The following MYO5A variants were observed in gnomAD, a reference collection of about 807,000 sequenced individuals.
The protein encoded by MYO5A is unconventional myosin-Va.
Under a neutral mutation model 249.7 loss-of-function variants are expected in MYO5A, and 98 were observed. That is an observed-to-expected ratio of 0.39 (90% CI 0.33 to 0.46). The LOEUF (loss-of-function observed/expected upper bound fraction) is 0.46, where lower values mean the gene tolerates loss of function less well. Ranked by LOEUF, MYO5A falls within the 20% of genes least tolerant of loss-of-function variation. MYO5A has a pLI of 0.98. For missense variants in MYO5A, 1,696 were observed against 2,308.8 expected, an observed-to-expected ratio of 0.73 and a Z score of 5.44; for synonymous variants, 778 against 810.6, an observed-to-expected ratio of 0.96 and a Z score of 0.68.
At chr15:52,520,660 T>C (rs2077598638) in intron 1 of MYO5A, among the ~76,000 whole-genome samples, 1 of 152,208 alleles carries the variant, frequency 6.6e-6, no homozygotes, top group African/African-American at 2.4e-5. Flanking sequence ...CTAAAACAGC[T>C]GTGGCTGGTA....
rs566809586 is a variant in MYO5A at position 52,490,887 on chromosome 15, A to AT, written c.27+37892dup. On this transcript the variant is annotated intron_variant, in intron 1 of 41. Transcript: ENST00000399233. ...GAGGTGCAGCCACCACATCCAGCTA[A>AT]TTTTTTTATTTTTTGTATAGACGGG... Among the ~76,000 whole-genome samples the AT allele has an allele frequency of 2.6e-5, 4 of 151,956 alleles. No homozygotes were observed. The South Asian group carries it at 8.3e-4, about 32-fold the overall frequency.
chr15:52,355,501 C>G (rs1394380553), intron 25 of MYO5A, among the ~76,000 whole-genome samples: 3 of 152,198 alleles, frequency 2.0e-5, no homozygotes, highest in Non-Finnish European at 4.4e-5. Context: ...ACATAAAGCC[C>G]AGCCTTGGCT....
intron 3 of MYO5A, 24 bp downstream of exon 3, chr15:52,428,374 A>G: frequency 6.2e-7 from 1 of 1,603,958 alleles, no homozygotes. Flanking sequence ...TCCACAGTCT[A>G]TTCGGAAAGC....
chr15:52,473,123 T>C (rs2076512704), intron 1 of MYO5A, among the ~76,000 whole-genome samples: 1 of 152,254 alleles, frequency 6.6e-6, no homozygotes, highest in Admixed American at 6.5e-5. Flanking sequence ...TGGTTTTGAT[T>C]TGCATTTCTC....
intron 4 of MYO5A, among the ~76,000 whole-genome samples, chr15:52,423,150 T>C (rs1204250955): frequency 6.6e-6 from 1 of 152,130 alleles, no homozygotes; most frequent in Non-Finnish European, 1.5e-5. Flanking sequence ...ATTACATGAA[T>C]GATGAATTGT....
chr15:52,473,663 A>G (rs2076527647), intron 1 of MYO5A, among the ~76,000 whole-genome samples: 2 of 152,146 alleles, frequency 1.3e-5, no homozygotes, highest in African/African-American at 4.8e-5. Flanking sequence ...TCCTTTCCCC[A>G]TTTCTTGTTT....
intron 1 of MYO5A, among the ~76,000 whole-genome samples, chr15:52,469,098 G>A (rs1029673145): frequency 6.6e-6 from 1 of 152,032 alleles, no homozygotes; most frequent in Admixed American, 6.6e-5. Context: ...GTGAAAAATT[G>A]GAAATTACAC....
At chr15:52,474,654 T>C (rs1414342768) in intron 1 of MYO5A, among the ~76,000 whole-genome samples, 1 of 152,112 alleles carries the variant, frequency 6.6e-6, no homozygotes, top group South Asian at 2.1e-4. Context: ...AATCATGTGG[T>C]TTTCGTCTTT....
Position 52,360,024 on chromosome 15 carries a change from C to T in MYO5A, c.3367G>A (p.Glu1123Lys). 6.2e-7 allele frequency: 1 copy of T among 1,613,760 alleles called. No individual in the cohort carries two copies. Among genetic ancestry groups the T allele is most frequent in the Non-Finnish European group, 8.5e-7 (1 of 1,179,816 alleles). ...TDSTHSSNES[E>K]YIFSSEIAEM... Reference sequence around the variant, plus strand: ...GCAATTTCAGAGCTAAAGATATATTCAGACTCGTTGCTGCTGTGGGTGGAG... The same window carrying T: ...GCAATTTCAGAGCTAAAGATATATTTAGACTCGTTGCTGCTGTGGGTGGAG... The change falls in exon 25 of 42, where the codon GAA becomes AAA. Residue 1123 changes from glutamate to lysine, a missense_variant. Transcript: ENST00000399233.
chr15:52,481,018 G>T (rs2076704104), intron 1 of MYO5A, among the ~76,000 whole-genome samples: 1 of 152,180 alleles, frequency 6.6e-6, no homozygotes, highest in Non-Finnish European at 1.5e-5. Context: ...CTTTGCTAGA[G>T]CCATGGCATT....
At chr15:52,432,203 G>A (rs1176214138) in intron 2 of MYO5A, among the ~76,000 whole-genome samples, 1 of 152,248 alleles carries the variant, frequency 6.6e-6, no homozygotes, top group Non-Finnish European at 1.5e-5. Context: ...AGGAAGGAAA[G>A]AAATGGAGAA....
chr15:52,325,298 C>T (rs1231681529), intron 36 of MYO5A, among the ~76,000 whole-genome samples: 1 of 152,080 alleles, frequency 6.6e-6, no homozygotes, highest in East Asian at 1.9e-4. Context: ...GGCACCTATA[C>T]TGAAGAGTTA....
chr15:52,503,365 T>C (rs915088031), intron 1 of MYO5A, among the ~76,000 whole-genome samples: 2 of 152,092 alleles, frequency 1.3e-5, no homozygotes, highest in African/African-American at 4.8e-5. Flanking sequence ...CTCACACCTG[T>C]AAATGCCAGC....
chr15:52,405,324 C>T lies in MYO5A; in HGVS notation c.1016G>A (p.Gly339Glu). The T allele has an allele frequency of 6.2e-7, 1 of 1,613,856 alleles. No homozygotes were observed. Among genetic ancestry groups the T allele is most frequent in the Non-Finnish European group, 8.5e-7 (1 of 1,179,808 alleles). Residue 339 changes from glycine (G) to glutamate (E), a missense_variant, in exon 9 of 42, where the codon GGA (glycine) becomes GAA (glutamate). Gly to Glu is a moderately conservative substitution (Grantham distance 98). Coordinates refer to ENST00000399233, the MANE Select transcript of MYO5A (RefSeq NM_001382347.1). ...LAGILHLGNV[G>E]FTSRDADSCT... ...GCTGTCTGCATCTCGGGATGTAAAT[C>T]CAACATTGCCTAAGTGAAGGATGCC...
At chr15:52,412,334 T>C (rs2043285601) in intron 5 of MYO5A, among the ~76,000 whole-genome samples, 1 of 152,188 alleles carries the variant, frequency 6.6e-6, no homozygotes, top group Admixed American at 6.5e-5. Flanking sequence ...ACCACCACAC[T>C]GTGAGAAGAG....
intron 31 of MYO5A, among the ~76,000 whole-genome samples, chr15:52,342,264 C>T (rs2039413474): frequency 6.6e-6 from 1 of 152,006 alleles, no homozygotes; most frequent in Non-Finnish European, 1.5e-5. Context: ...GAGGCTGAGG[C>T]AGGAGGATCG....
chr15:52,450,203 C>T (rs990330619), intron 1 of MYO5A, among the ~76,000 whole-genome samples: 22 of 151,810 alleles, frequency 1.4e-4, no homozygotes, highest in African/African-American at 5.3e-4. Flanking sequence ...GTTTACTAGC[C>T]CTGTGGTTTT....
chr15:52,350,554 T>C (rs2039893765), intron 28 of MYO5A, among the ~76,000 whole-genome samples: 1 of 152,198 alleles, frequency 6.6e-6, no homozygotes, highest in Non-Finnish European at 1.5e-5. Flanking sequence ...GATGCTCTGC[T>C]GTGTGCACAA....
At chr15:52,340,108 G>T in intron 32 of MYO5A, 88 bp downstream of exon 32, 2 of 1,425,022 alleles carry the variant, frequency 1.4e-6, no homozygotes, top group Non-Finnish European at 9.8e-7. Flanking sequence ...GTTTTTCCCA[G>T]CAAGAAAAAC....
Sources: gnomAD v4.1 joint callset for allele counts (sites outside exome capture counted in the v4.1 genomes callset) on GRCh38, gnomAD v4.1.1 for gene constraint, MANE v1.5 for transcripts, NCBI Gene and HGNC (gene_info 2026-07-23, HGNC 2026-07-21) for gene names.